Variants in SMC1A observed in about 807,000 individuals in gnomAD.
SMC1A encodes structural maintenance of chromosomes 1A.
Under a neutral mutation model 94.5 loss-of-function variants are expected in SMC1A, and 4 were observed. The ratio of observed to expected loss-of-function variants is 0.04; its 90% CI spans 0.02 to 0.10. The LOEUF (loss-of-function observed/expected upper bound fraction) is 0.10. SMC1A is among the 10% of genes least tolerant of loss of function. The pLI, the probability that SMC1A is intolerant of heterozygous loss-of-function variation, is 1.00. For synonymous variants in SMC1A, 345 were observed against 347.7 expected (o/e 0.99, Z 0.09); for missense variants, 304 against 989.0 (o/e 0.31, Z 9.29).
chrX:53,412,837 A>G (rs2075718112), intron 5 of SMC1A, 63 bp downstream of exon 5: 2 of 1,206,922 alleles, frequency 1.7e-6, no homozygotes, highest in Non-Finnish European at 2.2e-6. Context: ...GCTCAGAGGA[A>G]CCCTAATAAA....
chrX:53,385,557 G>A (rs1450780734), intron 19 of SMC1A, among the ~76,000 whole-genome samples: 3 of 110,135 alleles, frequency 2.7e-5, no homozygotes, highest in Non-Finnish European at 5.7e-5. Flanking sequence ...TTACAGGTGT[G>A]AGCCACCGCG....
At chrX:53,408,718 A>C (rs1556890065) in intron 9 of SMC1A, among the ~76,000 whole-genome samples, 1 of 110,247 alleles carries the variant, frequency 9.1e-6, no homozygotes, top group Non-Finnish European at 1.9e-5. Context: ...CCTGCTTCCA[A>C]AATCTTTCCT....
chrX:53,407,211 G>A (rs1377880736), intron 9 of SMC1A, among the ~76,000 whole-genome samples: 1 of 111,953 alleles, frequency 8.9e-6, no homozygotes, highest in Non-Finnish European at 1.9e-5. Context: ...TCTGGATAGG[G>A]GCTGGTTACC....
chrX:53,411,462 C>T (rs1255009490), intron 7 of SMC1A, among the ~76,000 whole-genome samples: 1 of 110,448 alleles, frequency 9.1e-6, no homozygotes, highest in Admixed American at 9.7e-5. Context: ...TGGTGGCGCA[C>T]GCCTGTAGTC....
rs782498088 is a variant in SMC1A at position 53,409,043 on chromosome X, G to A, written c.1545+19C>T. The stretch of plus-strand genomic sequence containing the variant: ...GTGAGTGTAAGTGCTCAGGAAATGA[G>A]TTCCCTCTCTGCTCTTACCACAGAG... On this transcript the variant is annotated intron_variant, in intron 9 of 24. Coordinates refer to ENST00000322213, the MANE Select transcript of SMC1A (RefSeq NM_006306.4). 1.7e-6 allele frequency: 2 copies of A among 1,192,209 alleles called. No individual in the cohort carries two copies. Among genetic ancestry groups the A allele is most frequent in the African/African-American group, 1.8e-5 (1 of 56,557 alleles).
intron 19 of SMC1A, 125 bp from the exon 20 acceptor site, chrX:53,383,378 TC>T: frequency 1.6e-6 from 1 of 617,619 alleles, no homozygotes; most frequent in Non-Finnish European, 2.5e-6. Context: ...GTTCTTCTTC[TC>T]CAGCTCGGTT....
chrX:53,393,706 C>T (rs2075638356), intron 19 of SMC1A, among the ~76,000 whole-genome samples: 1 of 110,991 alleles, frequency 9.0e-6, no homozygotes, highest in Non-Finnish European at 1.9e-5. Flanking sequence ...CTCTTTACTT[C>T]CATATGCTTG....
rs1267405906 is a variant in SMC1A at position 53,379,456 on chromosome X, T to C, written c.*647A>G. 8.9e-6 allele frequency: 1 copy of C among 112,898 alleles called. No homozygotes were observed. The highest frequency in any genetic ancestry group is 1.9e-5 in the Non-Finnish European group (1 of 53,811). The allele number at this position is 112,898 out of a possible 1,213,427, so 9.3% of individuals were successfully genotyped here. A position where few individuals can be genotyped will look rare whatever the true frequency, so the allele number is the denominator to read the frequency against. On this transcript the variant is annotated 3_prime_UTR_variant, in exon 25 of 25. Transcript: ENST00000322213. Reference sequence around the variant, plus strand: ...TCATTCATGAACCCACTGTATCTCCTTACTAGGAGGGTAGAGATCATGTCT... The same window carrying C: ...TCATTCATGAACCCACTGTATCTCCCTACTAGGAGGGTAGAGATCATGTCT...
intron 16 of SMC1A, among the ~76,000 whole-genome samples, chrX:53,397,278 G>T (rs1024105271): frequency 7.1e-5 from 8 of 111,952 alleles, no homozygotes; most frequent in East Asian, 2.8e-4. Context: ...TTTTCATTTT[G>T]ATCTTAAGTC....
chrX:53,414,149 G>C (rs1556890960), intron 3 of SMC1A, among the ~76,000 whole-genome samples: 1 of 110,876 alleles, frequency 9.0e-6, no homozygotes, highest in Non-Finnish European at 1.9e-5. Context: ...TCTATGAAGA[G>C]GAAAAGTAAT....
intron 19 of SMC1A, among the ~76,000 whole-genome samples, chrX:53,394,008 G>A (rs1464128392): frequency 1.8e-5 from 2 of 109,111 alleles, no homozygotes; most frequent in Non-Finnish European, 3.8e-5. Context: ...AATTAGCTGG[G>A]CATGATGGCG....
In SMC1A at chrX:53,375,479, G is replaced by GT. The variant is rs2075556459; in HGVS notation, c.*4623dup. ...CACTATAAGTTATTGTATAAGAGAT[G>GT]TGACTCTTACCTGGGAAAGCCCTCA... On this transcript the variant is annotated 3_prime_UTR_variant, in exon 25 of 25. Transcript: ENST00000322213. The GT allele has an allele frequency of 9.0e-6, 1 of 111,638 alleles. No homozygotes were observed. Among genetic ancestry groups the GT allele is most frequent in the African/African-American group, 3.3e-5 (1 of 30,664 alleles). The allele number at this position is 111,638 out of a possible 1,213,427, so 9.2% of individuals were successfully genotyped here.
At chrX:53,389,749 AT>A (rs1488378244) in intron 19 of SMC1A, among the ~76,000 whole-genome samples, 2 of 109,522 alleles carry the variant, frequency 1.8e-5, no homozygotes, top group Non-Finnish European at 3.8e-5. Context: ...TTATTTTTAG[AT>A]ATGTAATGGT....
chrX:53,421,418 T>C (rs1393135854), intron 1 of SMC1A, among the ~76,000 whole-genome samples: 4 of 112,206 alleles, frequency 3.6e-5, no homozygotes, highest in Admixed American at 1.9e-4. Context: ...ACACTCAGTC[T>C]CCAGGAAAGG....
At chrX:53,422,142 G>C (rs949067975) in intron 1 of SMC1A, 5 of 956,301 alleles carry the variant, frequency 5.2e-6, no homozygotes, top group East Asian at 6.4e-5. Context: ...AGCCGGCTCC[G>C]GCCGGTCCGG....
intron 19 of SMC1A, among the ~76,000 whole-genome samples, chrX:53,392,782 T>C (rs2075634721): frequency 9.0e-6 from 1 of 111,529 alleles, no homozygotes; most frequent in Admixed American, 9.5e-5. Flanking sequence ...CTGGCACCAG[T>C]GTTTCTGATA....
chrX:53,385,219 A>C (rs1487684783), intron 19 of SMC1A, among the ~76,000 whole-genome samples: 2 of 106,265 alleles, frequency 1.9e-5, no homozygotes, highest in Non-Finnish European at 3.9e-5. Context: ...CCTTATGAAG[A>C]TCTCTATACA....
rs41315086 is a variant in SMC1A, at chrX:53,422,170, G to A, written c.109+322C>T. ...CGGTCCGGCGGGGAGCCGCGCGGCG[G>A]AGGACTGAGCTGGCGGGAAGCTGGT... is the stretch of plus-strand genomic sequence containing the variant. On this transcript the variant is annotated intron_variant, in intron 1 of 24. Transcript: ENST00000322213. 237 of 734,878 alleles carry A rather than the reference G, an allele frequency of 3.2e-4. 1 individual carries two copies. In the East Asian group the frequency reaches 3.5e-3, roughly 11 times the overall value. 60.6% of individuals were successfully genotyped at this position (734,878 alleles called of 1,213,427 possible). A position where few individuals can be genotyped will look rare whatever the true frequency, so the allele number is the denominator to read the frequency against.
intron 1 of SMC1A, among the ~76,000 whole-genome samples, chrX:53,418,991 A>G (rs1556891647): frequency 1.0e-5 from 1 of 98,398 alleles, no homozygotes; most frequent in Non-Finnish European, 2.0e-5. Context: ...CAGTGAGCTG[A>G]GATCGCGCCA....
Sources: allele counts gnomAD v4.1 joint callset (sites outside exome capture counted in the v4.1 genomes callset), GRCh38; gene constraint gnomAD v4.1.1; transcripts MANE v1.5; gene names NCBI Gene and HGNC (gene_info 2026-07-23, HGNC 2026-07-21).